MNAT1: variants seen among roughly 807,000 people sequenced by gnomAD.
The protein encoded by MNAT1 is MNAT1 component of CDK activating kinase.
In MNAT1, 43 loss-of-function variants were observed where a neutral mutation model predicts 42.0. That is an observed-to-expected ratio of 1.02 (90% CI 0.80 to 1.32). The LOEUF (loss-of-function observed/expected upper bound fraction) is 1.32, where lower values mean the gene tolerates loss of function less well. MNAT1 is among the 40% of genes most tolerant of loss of function. The pLI, the probability that MNAT1 is intolerant of heterozygous loss-of-function variation, is 0.00. For synonymous variants in MNAT1, 118 were observed against 120.0 expected (o/e 0.98, Z 0.11); for missense variants, 306 against 350.4 (o/e 0.87, Z 1.01).
intron 7 of MNAT1, among the ~76,000 whole-genome samples, chr14:60,934,506 G>T (rs1242744986): frequency 6.6e-6 from 1 of 152,092 alleles, no homozygotes; most frequent in Non-Finnish European, 1.5e-5. Flanking sequence ...TTTCCATGCT[G>T]TTCTCCTGAG....
At chr14:60,803,774 A>G (rs866265130) in intron 3 of MNAT1, among the ~76,000 whole-genome samples, 2 of 152,192 alleles carry the variant, frequency 1.3e-5, no homozygotes, top group East Asian at 3.8e-4. Context: ...GATTGAAGTA[A>G]TTTTGTTGTA....
chr14:60,824,210 G>A (rs2032988269), intron 6 of MNAT1, among the ~76,000 whole-genome samples: 1 of 151,924 alleles, frequency 6.6e-6, no homozygotes, highest in African/African-American at 2.4e-5. Context: ...ATATAAAAAT[G>A]CCAAGCTTTG....
At chr14:60,941,753 C>T (rs992785078) in intron 7 of MNAT1, among the ~76,000 whole-genome samples, 2 of 150,274 alleles carry the variant, frequency 1.3e-5, no homozygotes, top group Non-Finnish European at 3.0e-5. Flanking sequence ...TCCTGTAATC[C>T]CAGCACTTTG....
intron 1 of MNAT1, among the ~76,000 whole-genome samples, chr14:60,756,544 A>G (rs983307609): frequency 1.4e-4 from 22 of 152,210 alleles, no homozygotes; most frequent in Non-Finnish European, 2.8e-4. Flanking sequence ...ATTGCTTACC[A>G]TTTAACAGTT....
intron 7 of MNAT1, among the ~76,000 whole-genome samples, chr14:60,897,816 C>T (rs1344661691): frequency 6.6e-6 from 1 of 152,126 alleles, no homozygotes; most frequent in Non-Finnish European, 1.5e-5. Context: ...TCACCCTAGT[C>T]TCTTATTGAA....
chr14:60,875,952 G>A (rs912989562), intron 6 of MNAT1, among the ~76,000 whole-genome samples: 2 of 151,946 alleles, frequency 1.3e-5, no homozygotes, highest in Non-Finnish European at 2.9e-5. Flanking sequence ...GACTGTAAAT[G>A]TACTTCTTTA....
At chr14:60,754,075 T>G (rs1021507245) in intron 1 of MNAT1, 2 of 152,220 alleles carry the variant, frequency 1.3e-5, no homozygotes, top group African/African-American at 2.4e-5. Flanking sequence ...CATCTTAGTC[T>G]TCAGTCCCAG....
intron 6 of MNAT1, among the ~76,000 whole-genome samples, chr14:60,828,400 T>C (rs889311497): frequency 1.3e-5 from 2 of 152,180 alleles, no homozygotes; most frequent in African/African-American, 4.8e-5. Context: ...TTGTGACTTA[T>C]AACTGTTAAT....
At chr14:60,964,463 T>A (rs565963706) in intron 7 of MNAT1, among the ~76,000 whole-genome samples, 13 of 152,330 alleles carry the variant, frequency 8.5e-5, no homozygotes, top group African/African-American at 3.1e-4. Flanking sequence ...AAGGTATGAT[T>A]TTTTAAGTCT....
chr14:60,780,211 G>A (rs2031408213), intron 1 of MNAT1: 1 of 1,458,226 alleles, frequency 6.9e-7, no homozygotes. Context: ...GGTTATACAA[G>A]TGTTCAGTTC....
At chr14:60,742,198 A>T (rs899179641) in intron 1 of MNAT1, among the ~76,000 whole-genome samples, 1 of 151,834 alleles carries the variant, frequency 6.6e-6, no homozygotes, top group East Asian at 1.9e-4. Flanking sequence ...GGATCCTTCC[A>T]CTTCAGCCAC....
intron 7 of MNAT1, among the ~76,000 whole-genome samples, chr14:60,901,392 A>G (rs1157170526): frequency 2.6e-5 from 4 of 152,226 alleles, no homozygotes; most frequent in Non-Finnish European, 4.4e-5. Context: ...TATTGTTTTC[A>G]TGACTGCTAG....
At chr14:60,909,011 C>T (rs1435758158) in intron 7 of MNAT1, among the ~76,000 whole-genome samples, 1 of 152,152 alleles carries the variant, frequency 6.6e-6, no homozygotes, top group Non-Finnish European at 1.5e-5. Flanking sequence ...TAATGATTGC[C>T]ATTCTAACTG....
chr14:60,913,114 G>A (rs906720839), intron 7 of MNAT1, among the ~76,000 whole-genome samples: 6 of 152,170 alleles, frequency 3.9e-5, no homozygotes, highest in Middle Eastern at 3.4e-3. Flanking sequence ...CCAGTTGATC[G>A]CATCAGTTAC....
At chr14:60,794,636 C>CAAA (rs71114156) in intron 1 of MNAT1, among the ~76,000 whole-genome samples, 3 of 95,398 alleles carry the variant, frequency 3.1e-5, no homozygotes, top group African/African-American at 4.4e-5. Flanking sequence ...ACTGCATTCT[C>CAAA]AAAAAAAAAA....
chr14:60,831,785 C>T (rs894966583), intron 6 of MNAT1, among the ~76,000 whole-genome samples: 1 of 152,172 alleles, frequency 6.6e-6, no homozygotes, highest in African/African-American at 2.4e-5. Flanking sequence ...TTAATTTACA[C>T]TCCCACCAAC....
Position 60,863,131 on chromosome 14 carries a change from A to G in MNAT1, c.688-16583A>G, listed in dbSNP as rs550768406. 1.7e-4 allele frequency among the ~76,000 whole-genome samples: 26 copies of G among 152,248 alleles called. 1 individual carries two copies. The highest frequency in any genetic ancestry group is 1.2e-3 in the Admixed American group (18 of 15,264). On this transcript the variant is annotated intron_variant, in intron 6 of 7. Transcript: ENST00000261245. ...ATGATTCTTTTTCCTAAATATCTCA[A>G]AAATACTTTTATACATTTGTGATAA... is the stretch of plus-strand genomic sequence containing the variant.
intron 4 of MNAT1, among the ~76,000 whole-genome samples, chr14:60,811,298 C>CTTT (rs569520885): frequency 1.2e-4 from 10 of 80,246 alleles, no homozygotes; most frequent in African/African-American, 2.9e-4. Context: ...TCTATTCTTT[C>CTTT]TTTTTTTTTT....
chr14:60,894,360 ATCC>A (rs1453976774), intron 7 of MNAT1, among the ~76,000 whole-genome samples: 1 of 151,720 alleles, frequency 6.6e-6, no homozygotes, highest in African/African-American at 2.4e-5. Flanking sequence ...TTCATGGAAT[ATCC>A]TCCTCATCTT....
Sources: gnomAD v4.1 joint callset for allele counts (sites outside exome capture counted in the v4.1 genomes callset) on GRCh38, gnomAD v4.1.1 for gene constraint, MANE v1.5 for transcripts, NCBI Gene and HGNC (gene_info 2026-07-23, HGNC 2026-07-21) for gene names.